Variants in ADGRE2 observed in about 807,000 individuals in gnomAD.
ADGRE2 encodes adhesion G protein-coupled receptor E2, also known as CD97 antigen.
A neutral mutation model predicts 100.8 loss-of-function variants in ADGRE2; 83 were observed. The ratio of observed to expected loss-of-function variants is 0.82; its 90% confidence interval spans 0.69 to 0.99. ADGRE2 has a LOEUF of 0.99. Among genes scored for constraint, ADGRE2 ranks in the 50% least tolerant of loss-of-function variants. ADGRE2 has a pLI of 0.00. For synonymous variants in ADGRE2, 355 were observed against 413.0 expected, an observed-to-expected ratio of 0.86 and a Z score of 1.70; for missense variants, 814 against 1,035.7, an observed-to-expected ratio of 0.79 and a Z score of 2.94.
Position 14,744,758 on chromosome 19 carries a change from G to A in ADGRE2, c.2184-974C>T, listed in dbSNP as rs1416217462. The stretch of plus-strand genomic sequence containing the variant: ...GCGTGAGCCACCATGCCTGGCCCCC[G>A]TAAAGGATTTAATGTTGATTAGGAT... On this transcript the variant is annotated intron_variant, in intron 18 of 20. Coordinates refer to ENST00000315576, the MANE Select transcript of ADGRE2 (RefSeq NM_013447.4). 2.0e-5 allele frequency among the ~76,000 whole-genome samples: 3 copies of A among 151,260 alleles called. No homozygotes were observed. The South Asian group carries it at 6.3e-4, about 32-fold the overall frequency.
Position 14,765,510 on chromosome 19 carries a change from T to C in ADGRE2, c.828+14A>G, listed in dbSNP as rs779384474. The C allele has an allele frequency of 2.5e-6, 4 of 1,613,248 alleles. No individual in the cohort carries two copies. The highest frequency in any genetic ancestry group is 2.2e-5 in the South Asian group (2 of 91,042). On this transcript the variant is annotated intron_variant, in intron 9 of 20. Transcript: ENST00000315576. Reference sequence around the variant, plus strand: ...TGGAGTTCCCGCCGCCTCGTCCCTGTGGGGGCCACTCACCTGGCTGTGGAC... The same window carrying C: ...TGGAGTTCCCGCCGCCTCGTCCCTGCGGGGGCCACTCACCTGGCTGTGGAC...
At chr19:14,756,000 C>T in intron 12 of ADGRE2, 123 bp from the exon 13 acceptor site, 1 of 816,128 alleles carries the variant, frequency 1.2e-6, no homozygotes, top group Non-Finnish European at 2.0e-6. Flanking sequence ...CTTCACCCCT[C>T]CCACACTTTC....
intron 20 of ADGRE2, among the ~76,000 whole-genome samples, chr19:14,738,969 C>CTTTTTTTTT (rs68029679): frequency 9.5e-6 from 1 of 104,912 alleles, no homozygotes; most frequent in Non-Finnish European, 2.1e-5. Context: ...CTTTTCTTTT[C>CTTTTTTTTT]TTTTTTTTTT....
chr19:14,748,678 A>G (rs1284269092), intron 16 of ADGRE2, among the ~76,000 whole-genome samples: 4 of 152,136 alleles, frequency 2.6e-5, no homozygotes, highest in Non-Finnish European at 5.9e-5. Flanking sequence ...TGTTTTGGGT[A>G]TATACCTGGG....
At chr19:14,746,137 C>A (rs2732788) in intron 18 of ADGRE2, 95 bp downstream of exon 18, 242,401 of 709,062 alleles carry the variant, frequency 0.34, 43,542 homozygotes, top group Non-Finnish European at 0.38. Flanking sequence ...CTTCAAAAGA[C>A]CCTGAGAAGG....
At chr19:14,770,664 C>CTT (rs1599876577) in intron 5 of ADGRE2, among the ~76,000 whole-genome samples, 1 of 93,880 alleles carries the variant, frequency 1.1e-5, no homozygotes, top group East Asian at 3.1e-4. Flanking sequence ...TTGTTTCTTT[C>CTT]TTTTCTTTTT....
At position 14,743,781 on chromosome 19, in the gene ADGRE2, C is replaced by T. The variant is rs1450030442; in HGVS notation, c.2187G>A (p.Met729Ile). The T allele has an allele frequency of 1.2e-6, 2 of 1,613,954 alleles. No individual in the cohort carries two copies. The highest frequency in any genetic ancestry group is 3.3e-5 in the Admixed American group (2 of 60,010). Residue 729 changes from methionine (M) to isoleucine (I), a missense_variant, in exon 19 of 21, where the codon ATG becomes ATA. Physicochemically the swap from Met to Ile is conservative, Grantham distance 10 (BLOSUM62 1). This residue lies in a region of ADGRE2 where 569 missense variants were observed against 692.7 expected (regional missense o/e 0.82). Coordinates refer to ENST00000315576, the MANE Select transcript of ADGRE2 (RefSeq NM_013447.4). ...SEVSTLRNTR[M>I]LAFKATAQLF... ...GCTGAGCTGTCGCTTTAAATGCCAG[C>T]ATCCTGGATTGAGTAAGAAAGGAGG...
intron 11 of ADGRE2, among the ~76,000 whole-genome samples, chr19:14,760,070 G>C (rs1456537165): frequency 6.6e-6 from 1 of 151,916 alleles, no homozygotes; most frequent in Non-Finnish European, 1.5e-5. Flanking sequence ...CTCCCACCTC[G>C]GCCTCCCAAA....
chr19:14,771,003 C>T (rs1340818826), intron 5 of ADGRE2, among the ~76,000 whole-genome samples: 1 of 152,044 alleles, frequency 6.6e-6, no homozygotes, highest in Non-Finnish European at 1.5e-5. Flanking sequence ...TTCTAATTCA[C>T]AGGAAGGCTC....
chr19:14,763,030 T>G (rs1364700257), intron 11 of ADGRE2, among the ~76,000 whole-genome samples: 1 of 152,158 alleles, frequency 6.6e-6, no homozygotes, highest in Admixed American at 6.5e-5. Flanking sequence ...CTATATGCAT[T>G]TTCATGCTTT....
intron 16 of ADGRE2, among the ~76,000 whole-genome samples, chr19:14,749,199 TATAATG>T: frequency 7.4e-6 from 1 of 135,604 alleles, no homozygotes; most frequent in Non-Finnish European, 1.6e-5. Context: ...ACCATATAAT[TATAATG>T]TGATCATATA....
intron 4 of ADGRE2, among the ~76,000 whole-genome samples, chr19:14,773,080 C>CAAAAAAAAAAA (rs35688921): frequency 1.3e-4 from 6 of 45,812 alleles, no homozygotes; most frequent in African/African-American, 3.1e-4. Context: ...GACTCCATCT[C>CAAAAAAAAAAA]AAAAAAAAAA....
In ADGRE2 at chr19:14,734,875, C is replaced by T. The variant is rs1490900311; in HGVS notation, c.*1361G>A. On this transcript the variant is annotated 3_prime_UTR_variant, in exon 21 of 21. Coordinates refer to ENST00000315576, the MANE Select transcript of ADGRE2 (RefSeq NM_013447.4). Reference sequence around the variant, plus strand: ...CTTGAGAAGGCGGTGTCTGATTTACCTAGGGCCTACCCCTATGTGAGCTGG... The same window carrying T: ...CTTGAGAAGGCGGTGTCTGATTTACTTAGGGCCTACCCCTATGTGAGCTGG... The T allele has an allele frequency of 3.3e-5, 5 of 152,258 alleles. No homozygotes were observed. Among genetic ancestry groups the T allele is most frequent in the Non-Finnish European group, 7.3e-5 (5 of 68,126 alleles). 9.4% of individuals were successfully genotyped at this position (152,258 alleles called of 1,614,324 possible).
chr19:14,752,233 G>A (rs1482802581), intron 15 of ADGRE2, 96 bp downstream of exon 15: 17 of 1,476,920 alleles, frequency 1.2e-5, no homozygotes, highest in Admixed American at 5.7e-5. Context: ...ACGCCCAGCC[G>A]GGCTATTATA....
At position 14,756,348 on chromosome 19, in the gene ADGRE2, A is replaced by G. The variant is rs2043500781; in HGVS notation, c.1085-3T>C. 9 of 1,606,582 alleles carry G rather than the reference A, an allele frequency of 5.6e-6. No homozygotes were observed. The Middle Eastern group carries it at 6.6e-4, about 118-fold the overall frequency. ...CTTCTGCACCTCCAGGGACAATTCT[A>G]TGAGTTGTGGGAATTACATAAGGGG... On this transcript the variant is annotated splice_region_variant and splice_polypyrimidine_tract_variant and intron_variant, in intron 11 of 20. Transcript: ENST00000315576.
At chr19:14,757,136 C>T (rs191930939) in intron 11 of ADGRE2, among the ~76,000 whole-genome samples, 2 of 152,222 alleles carry the variant, frequency 1.3e-5, no homozygotes, top group Non-Finnish European at 2.9e-5. Flanking sequence ...CTCCTGGGCT[C>T]AAGCAATTCT....
chr19:14,764,808 G>C (rs940623827), intron 10 of ADGRE2, among the ~76,000 whole-genome samples, 198 bp from the exon 11 acceptor site: 12 of 152,302 alleles, frequency 7.9e-5, no homozygotes, highest in Non-Finnish European at 1.6e-4. Flanking sequence ...CACAAGGTCA[G>C]GAGATCGAGA....
chr19:14,768,500 C>T (rs1174794190), intron 5 of ADGRE2, among the ~76,000 whole-genome samples: 1 of 152,178 alleles, frequency 6.6e-6, no homozygotes, highest in Non-Finnish European at 1.5e-5. Flanking sequence ...CATCTCATCT[C>T]TTGGCATTCC....
intron 18 of ADGRE2, among the ~76,000 whole-genome samples, chr19:14,744,131 C>G (rs762842030): frequency 1.6e-4 from 24 of 151,612 alleles, no homozygotes; most frequent in Non-Finnish European, 3.4e-4. Flanking sequence ...GTAATCCCAG[C>G]TACTCAGGAG....
Sources: allele counts gnomAD v4.1 joint callset (sites outside exome capture counted in the v4.1 genomes callset), GRCh38; gene constraint gnomAD v4.1.1; regional missense constraint gnomAD v4.1.1; transcripts MANE v1.5; gene names NCBI Gene and HGNC (gene_info 2026-07-23, HGNC 2026-07-21).